Variants in EPB41L1 observed in about 807,000 individuals in gnomAD.
EPB41L1 encodes the protein band 4.1-like protein 1.
Under a neutral mutation model 97.8 loss-of-function variants are expected in EPB41L1, and 29 were observed. The observed-to-expected ratio is 0.30, with a 90% CI of 0.22 to 0.40. The LOEUF is 0.40. Ranked by LOEUF, EPB41L1 falls within the 10% of genes least tolerant of loss-of-function variation. EPB41L1 has a pLI of 1.00. For synonymous variants in EPB41L1, 383 were observed against 459.2 expected (o/e 0.83, Z 2.12); for missense variants, 812 against 1,162.3 (o/e 0.70, Z 4.38).
chr20:36,212,109 G>A lies in EPB41L1; in HGVS notation c.2080-163G>A, dbSNP rs1168810470. ...CTCTCCTCGCGGGCTATCTGTCTAT[G>A]ATATCACACCACAACTCTTTTACCC... On this transcript the variant is annotated intron_variant, in intron 15 of 21. Coordinates refer to ENST00000338074, the MANE Select transcript of EPB41L1 (RefSeq NM_012156.2). The surrounding 1 kb of genome is among the most constrained non-coding windows in gnomAD (Gnocchi z 4.8). 2.0e-5 allele frequency among the ~76,000 whole-genome samples: 3 copies of A among 152,210 alleles called. No homozygotes were observed. Among genetic ancestry groups the A allele is most frequent in the Non-Finnish European group, 2.9e-5 (2 of 68,036 alleles).
intron 1 of EPB41L1, among the ~76,000 whole-genome samples, chr20:36,096,388 TG>T (rs2057832806): frequency 6.6e-6 from 1 of 152,248 alleles, no homozygotes; most frequent in Non-Finnish European, 1.5e-5. Flanking sequence ...GGGGTTTCCC[TG>T]ATCTGCTCAG....
chr20:36,219,738 T>G, intron 18 of EPB41L1, 23 bp from the exon 19 acceptor site: 1 of 1,607,798 alleles, frequency 6.2e-7, no homozygotes, highest in Non-Finnish European at 8.5e-7. Flanking sequence ...ACACCCTGGG[T>G]GGGGGGTGGT....
In EPB41L1 at chr20:36,175,576, A is replaced by G. The variant is rs2061192289; in HGVS notation, c.203A>G (p.Tyr68Cys). Residue 68 changes from tyrosine (Y) to cysteine (C), a missense_variant, in exon 3 of 22, where the codon TAC becomes TGC. Physicochemically the swap from Tyr to Cys is radical, Grantham distance 194 (BLOSUM62 -2). Coordinates refer to ENST00000338074, the MANE Select transcript of EPB41L1 (RefSeq NM_012156.2). Reference sequence around the variant, plus strand: ...AGCCTAGACATGGAGGAGAAGGACTACAGTGAGGCCGATGGCCTTTCGGAG... The same window carrying G: ...AGCCTAGACATGGAGGAGAAGGACTGCAGTGAGGCCGATGGCCTTTCGGAG... ...EQSLDMEEKD[Y>C]SEADGLSERT... The G allele has an allele frequency of 1.9e-6, 3 of 1,614,110 alleles. No homozygotes were observed. Among genetic ancestry groups the G allele is most frequent in the Non-Finnish European group, 1.7e-6 (2 of 1,180,042 alleles).
intron 20 of EPB41L1, 111 bp from the exon 21 acceptor site, chr20:36,222,167 C>T (rs914474827): frequency 2.2e-5 from 24 of 1,103,152 alleles, no homozygotes; most frequent in Non-Finnish European, 3.1e-5. Flanking sequence ...GACTTTGCCC[C>T]TCTCTGGGCC....
intron 1 of EPB41L1, among the ~76,000 whole-genome samples, chr20:36,094,657 G>T (rs6121148): frequency 0.012 from 1,807 of 152,228 alleles, 30 homozygotes; most frequent in African/African-American, 0.041. Context: ...ATAGGATTGG[G>T]GGCCAGCAGC....
chr20:36,127,104 C>T (rs888504141), intron 2 of EPB41L1, among the ~76,000 whole-genome samples: 34 of 152,156 alleles, frequency 2.2e-4, no homozygotes, highest in Non-Finnish European at 4.1e-4. Context: ...TCCTAAGCCT[C>T]TGACAGTGAG....
chr20:36,218,650 T>C (rs747858454), intron 17 of EPB41L1, among the ~76,000 whole-genome samples: 1 of 152,226 alleles, frequency 6.6e-6, no homozygotes, highest in Non-Finnish European at 1.5e-5. Flanking sequence ...CCAGACAGTC[T>C]GTAAATGTTT....
At chr20:36,219,398 T>A (rs1000467773) in intron 18 of EPB41L1, among the ~76,000 whole-genome samples, 3 of 152,194 alleles carry the variant, frequency 2.0e-5, no homozygotes, top group African/African-American at 7.2e-5. Flanking sequence ...GTGGTTCTCA[T>A]TGTTTAGCTC....
rs146718126 is a variant in EPB41L1, at chr20:36,231,036, G to C, written c.*1696G>C. On this transcript the variant is annotated 3_prime_UTR_variant, in exon 22 of 22. Transcript: ENST00000338074. Reference sequence around the variant, plus strand: ...AACTGCATTTGCAAAGCCCTCCCCTGTCCCAGGACAAAGCTGAGACTGACG... The same window carrying C: ...AACTGCATTTGCAAAGCCCTCCCCTCTCCCAGGACAAAGCTGAGACTGACG... The C allele has an allele frequency of 6.6e-6, 1 of 152,390 alleles. No homozygotes were observed. Among genetic ancestry groups the C allele is most frequent in the African/African-American group, 2.4e-5 (1 of 41,572 alleles). 9.4% of individuals were successfully genotyped at this position (152,390 alleles called of 1,614,324 possible).
chr20:36,200,531 C>T (rs6089020), intron 14 of EPB41L1, among the ~76,000 whole-genome samples: 1 of 152,174 alleles, frequency 6.6e-6, no homozygotes, highest in Admixed American at 6.5e-5. Flanking sequence ...GAACCATAGC[C>T]TAAGCCAGAG....
At chr20:36,096,005 G>A (rs940077156) in intron 1 of EPB41L1, among the ~76,000 whole-genome samples, 1 of 151,134 alleles carries the variant, frequency 6.6e-6, no homozygotes, top group Admixed American at 6.6e-5. Context: ...CAGCCTGGGT[G>A]ACAGAGCGAG....
chr20:36,154,969 G>C lies in EPB41L1; in HGVS notation c.-15+73G>C. 2 of 1,147,834 alleles carry C rather than the reference G, an allele frequency of 1.7e-6. No individual in the cohort carries two copies. Among genetic ancestry groups the C allele is most frequent in the Non-Finnish European group, 1.1e-6 (1 of 905,330 alleles). The allele number at this position is 1,147,834 out of a possible 1,614,324, so 71.1% of individuals were successfully genotyped here. ...ACATCTAGGCCCAGCCTCCAGCCCT[G>C]GGGAGGAACGGGGGCGAGGCCGAGA... On this transcript the variant is annotated intron_variant, in intron 1 of 21. Coordinates refer to ENST00000338074, the MANE Select transcript of EPB41L1 (RefSeq NM_012156.2). The surrounding 1 kb of genome is among the most constrained non-coding windows in gnomAD (Gnocchi z 5.5).
chr20:36,207,013 A>T lies in EPB41L1; in HGVS notation c.1669-2475A>T. 2 of 1,289,866 alleles carry T rather than the reference A, an allele frequency of 1.6e-6. No homozygotes were observed. Among genetic ancestry groups the T allele is most frequent in the Non-Finnish European group, 2.0e-6 (2 of 988,862 alleles). The allele number at this position is 1,289,866 out of a possible 1,614,324, so 79.9% of individuals were successfully genotyped here. A position where few individuals can be genotyped will look rare whatever the true frequency, so the allele number is the denominator to read the frequency against. ...ACCCAAAGAGAGGGGAGTGGTTCCCACCCAGAAAGGAGGGGCTGAGCTGAA... is the reference window on the plus strand; with the variant it reads ...ACCCAAAGAGAGGGGAGTGGTTCCCTCCCAGAAAGGAGGGGCTGAGCTGAA... On this transcript the variant is annotated intron_variant, in intron 14 of 21. Coordinates refer to ENST00000338074, the MANE Select transcript of EPB41L1 (RefSeq NM_012156.2). This position sits in a 1 kb window ranked among gnomAD's most constrained non-coding sequence, Gnocchi z 4.9.
At chr20:36,148,415 T>C (rs1472936137) in intron 2 of EPB41L1, among the ~76,000 whole-genome samples, 1 of 149,982 alleles carries the variant, frequency 6.7e-6, no homozygotes, top group African/African-American at 2.5e-5. Context: ...GGGAAGAGGG[T>C]CTCCCAGGCA....
chr20:36,130,200 C>T (rs1472221372), intron 2 of EPB41L1, among the ~76,000 whole-genome samples: 3 of 151,840 alleles, frequency 2.0e-5, no homozygotes, highest in South Asian at 2.1e-4. Flanking sequence ...CCTTGGCCTT[C>T]GAAAATGCTG....
At chr20:36,132,441 C>CAGATAATCT (rs2147765548) in intron 2 of EPB41L1, among the ~76,000 whole-genome samples, 1 of 152,062 alleles carries the variant, frequency 6.6e-6, no homozygotes, top group East Asian at 1.9e-4. Context: ...TGAGCCCATT[C>CAGATAATCT]AGATAATCTA....
chr20:36,194,786 G>C (rs1005536538), intron 12 of EPB41L1, among the ~76,000 whole-genome samples: 2 of 152,074 alleles, frequency 1.3e-5, no homozygotes, highest in African/African-American at 4.8e-5. Flanking sequence ...GCCCCACTCA[G>C]GTGCACACAC....
intron 7 of EPB41L1, among the ~76,000 whole-genome samples, chr20:36,185,645 G>A (rs1296663610): frequency 2.6e-5 from 4 of 152,202 alleles, no homozygotes; most frequent in African/African-American, 9.6e-5. Context: ...CTGTGTCTCT[G>A]AGTAAGTGTC....
chr20:36,124,919 T>C (rs945882241), intron 2 of EPB41L1, among the ~76,000 whole-genome samples: 2 of 152,050 alleles, frequency 1.3e-5, no homozygotes, highest in Admixed American at 1.3e-4. Flanking sequence ...ATAGATTGCA[T>C]ACATGGTGGG....
Sources: gnomAD v4.1 joint callset for allele counts (sites outside exome capture counted in the v4.1 genomes callset) on GRCh38, gnomAD v4.1.1 for gene constraint, Gnocchi (gnomAD v3.1) non-coding constraint, MANE v1.5 for transcripts, NCBI Gene and HGNC (gene_info 2026-07-23, HGNC 2026-07-21) for gene names.